The following PCNX2 variants were observed in gnomAD, a reference collection of about 807,000 sequenced individuals.
PCNX2 encodes the protein pecanex-like protein 2.
A neutral mutation model predicts 223.8 loss-of-function variants in PCNX2; 168 were observed. The observed-to-expected ratio is 0.75, with a 90% CI of 0.66 to 0.85. PCNX2 has a LOEUF of 0.85. Ranked by LOEUF, PCNX2 falls within the 40% of genes least tolerant of loss-of-function variation. PCNX2 has a pLI of 0.00. For missense variants in PCNX2, 2,507 were observed against 2,675.5 expected, an observed-to-expected ratio of 0.94 and a Z score of 1.39; for synonymous variants, 1,006 against 1,052.6, an observed-to-expected ratio of 0.96 and a Z score of 0.86.
At chr1:233,184,758 C>T (rs182732808) in intron 15 of PCNX2, among the ~76,000 whole-genome samples, 33 of 152,158 alleles carry the variant, frequency 2.2e-4, no homozygotes, top group African/African-American at 2.2e-4. Context: ...GGCAATGTGG[C>T]CACAGGGGCA....
At chr1:232,994,884 G>C (rs947345770) in intron 32 of PCNX2, among the ~76,000 whole-genome samples, 1 of 152,104 alleles carries the variant, frequency 6.6e-6, no homozygotes, top group Admixed American at 6.5e-5. Context: ...AGTTTCTTGA[G>C]GTCCCCCCAG....
At chr1:233,219,358 T>C (rs1056314399) in intron 10 of PCNX2, among the ~76,000 whole-genome samples, 2 of 151,660 alleles carry the variant, frequency 1.3e-5, no homozygotes, top group African/African-American at 4.9e-5. Context: ...ATGTCAGAGG[T>C]GGAAGACTTC....
chr1:233,289,246 G>A, intron 1 of PCNX2: 1 of 948,788 alleles, frequency 1.1e-6, no homozygotes, highest in Non-Finnish European at 1.7e-6. Context: ...GATTTCAGTT[G>A]AGGAACGGGA....
At chr1:233,317,407 C>A in the PCNX2 span, among the ~76,000 whole-genome samples, 1 of 140,924 alleles carries the variant, frequency 7.1e-6, no homozygotes, top group Admixed American at 7.2e-5. Context: ...GTGCGAGACT[C>A]TGTCTCAAAA....
intron 15 of PCNX2, among the ~76,000 whole-genome samples, chr1:233,198,689 CG>C (rs1220271306): frequency 6.6e-6 from 1 of 152,096 alleles, no homozygotes; most frequent in Non-Finnish European, 1.5e-5. Context: ...TGTCACTAAC[CG>C]ATCTTAGCAG....
intron 13 of PCNX2, among the ~76,000 whole-genome samples, chr1:233,204,174 A>C (rs756696207): frequency 6.6e-6 from 1 of 152,104 alleles, no homozygotes. Flanking sequence ...TGGTGTCCTT[A>C]TGAAAAGGAG....
In PCNX2 at chr1:233,295,593, CCGCCGCCGT is replaced by C; in HGVS notation, c.-124_-116del. On this transcript the variant is annotated 5_prime_UTR_variant, in exon 1 of 34. Coordinates refer to ENST00000258229, the MANE Select transcript of PCNX2 (RefSeq NM_014801.4). The surrounding 1 kb of genome is among the most constrained non-coding windows in gnomAD (Gnocchi z 4.1). ...CCCGCGGGCCGCGCCCCCGCCGTCG[CCGCCGCCGT>C]CGCCCCCGCCGCCTCCTTCCACCCC... is the stretch of plus-strand genomic sequence containing the variant. 8.8e-7 allele frequency: 1 copy of C among 1,130,108 alleles called. No individual in the cohort carries two copies. Among genetic ancestry groups the C allele is most frequent in the Non-Finnish European group, 1.1e-6 (1 of 883,778 alleles). 70.0% of individuals were successfully genotyped at this position (1,130,108 alleles called of 1,614,324 possible). A position where few individuals can be genotyped will look rare whatever the true frequency, so the allele number is the denominator to read the frequency against.
At chr1:233,320,211 C>A in the PCNX2 span, among the ~76,000 whole-genome samples, 1 of 152,052 alleles carries the variant, frequency 6.6e-6, no homozygotes, top group Non-Finnish European at 1.5e-5. Flanking sequence ...ACCTGATTTT[C>A]TCCAATGGAA....
chr1:233,108,008 C>T (rs766323429), intron 21 of PCNX2, among the ~76,000 whole-genome samples: 2 of 152,174 alleles, frequency 1.3e-5, no homozygotes, highest in Admixed American at 6.5e-5. Context: ...CCACCAGCGC[C>T]GTGACAGTTT....
At chr1:233,068,925 C>G (rs1672732633) in intron 23 of PCNX2, among the ~76,000 whole-genome samples, 2 of 152,004 alleles carry the variant, frequency 1.3e-5, no homozygotes, top group Admixed American at 1.3e-4. Context: ...CCTACGCTGC[C>G]TACAAGAAAT....
chr1:232,985,668 A>G (rs903673505), intron 33 of PCNX2: 2 of 415,830 alleles, frequency 4.8e-6, no homozygotes, highest in Non-Finnish European at 8.5e-6. Flanking sequence ...TTAAAGTCAA[A>G]TCGATTGGCT....
In PCNX2 at chr1:233,159,057, G is replaced by A. The variant is rs555006150; in HGVS notation, c.3517+1226C>T. On this transcript the variant is annotated intron_variant, in intron 19 of 33. Transcript: ENST00000258229. ...AGTAGTACACGGAATTGTACAGAACGTTTAAAACTATGCAGCTCCATCTTT... is the reference window on the plus strand; with the variant it reads ...AGTAGTACACGGAATTGTACAGAACATTTAAAACTATGCAGCTCCATCTTT... Among the ~76,000 whole-genome samples, 40 of 152,260 alleles carry A rather than the reference G, an allele frequency of 2.6e-4. No individual in the cohort carries two copies. The East Asian group carries it at 3.9e-3, about 15-fold the overall frequency.
chr1:233,132,892 C>CTTTTTT (rs892121349), intron 21 of PCNX2, among the ~76,000 whole-genome samples: 3 of 114,876 alleles, frequency 2.6e-5, no homozygotes, highest in Non-Finnish European at 5.3e-5. Flanking sequence ...CATTTTACAT[C>CTTTTTT]TTTTTTTTTT....
intron 25 of PCNX2, among the ~76,000 whole-genome samples, chr1:233,032,626 G>A (rs1021931994): frequency 2.0e-5 from 3 of 151,388 alleles, no homozygotes; most frequent in African/African-American, 7.3e-5. Flanking sequence ...CTGATTGCAT[G>A]AGTATGTGTG....
At chr1:233,193,543 A>G (rs1680538929) in intron 15 of PCNX2, among the ~76,000 whole-genome samples, 1 of 152,194 alleles carries the variant, frequency 6.6e-6, no homozygotes, top group Non-Finnish European at 1.5e-5. Context: ...TTTATCTTCA[A>G]AACTAAACAC....
chr1:233,292,988 A>G (rs1241271541), intron 1 of PCNX2, among the ~76,000 whole-genome samples: 2 of 152,192 alleles, frequency 1.3e-5, no homozygotes, highest in Admixed American at 1.3e-4. Flanking sequence ...TTTACTTTCT[A>G]AAATTTTGAG....
chr1:233,184,240 A>T (rs1320676355), intron 15 of PCNX2, among the ~76,000 whole-genome samples: 8 of 152,132 alleles, frequency 5.3e-5, no homozygotes. Flanking sequence ...GATCAGAGAA[A>T]AGGTCAAGGG....
In PCNX2 at chr1:233,275,597, G is replaced by A. The variant is rs149144000; in HGVS notation, c.154-12434C>T. On this transcript the variant is annotated intron_variant, in intron 1 of 33. Coordinates refer to ENST00000258229, the MANE Select transcript of PCNX2 (RefSeq NM_014801.4). ...TTTTAAAAAGTATTTACACAAAACAGTGTGGGACTTCTTCAAAAAATTAAT... is the reference window on the plus strand; with the variant it reads ...TTTTAAAAAGTATTTACACAAAACAATGTGGGACTTCTTCAAAAAATTAAT... Among the ~76,000 whole-genome samples, 260 of 152,294 alleles carry A rather than the reference G, an allele frequency of 1.7e-3. 2 individuals are homozygous for A. The highest frequency in any genetic ancestry group is 6.0e-3 in the African/African-American group (250 of 41,566).
At chr1:233,305,717 A>C in the PCNX2 span, among the ~76,000 whole-genome samples, 1 of 152,266 alleles carries the variant, frequency 6.6e-6, no homozygotes, top group South Asian at 2.1e-4. Flanking sequence ...GGCCTCACAA[A>C]GTACTGGGAT....
Sources: allele counts gnomAD v4.1 joint callset (sites outside exome capture counted in the v4.1 genomes callset), GRCh38; gene constraint gnomAD v4.1.1; non-coding constraint Gnocchi (gnomAD v3.1); transcripts MANE v1.5; gene names NCBI Gene and HGNC (gene_info 2026-07-23, HGNC 2026-07-21).